PDIA3: variants seen among roughly 807,000 people sequenced by gnomAD.
The protein encoded by PDIA3 is protein disulfide isomerase family A member 3, also known as protein disulfide-isomerase A3.
Under a neutral mutation model 56.9 loss-of-function variants are expected in PDIA3, and 16 were observed. That is an observed-to-expected ratio of 0.28 (90% CI 0.19 to 0.43). PDIA3 has a LOEUF of 0.43. Among genes scored for constraint, PDIA3 ranks in the 20% least tolerant of loss-of-function variants. PDIA3 has a pLI of 1.00. For missense variants in PDIA3, 485 were observed against 621.3 expected (o/e 0.78, Z 2.33); for synonymous variants, 192 against 216.5 (o/e 0.89, Z 0.99).
rs768986164 is a variant in PDIA3 at position 43,766,062 on chromosome 15, G to C, written c.845+50G>C. The C allele has an allele frequency of 1.9e-6, 3 of 1,539,048 alleles. No homozygotes were observed. In the African/African-American group the frequency reaches 4.2e-5, roughly 21 times the overall value. ...CATGAACAAGTTTACCCAATGTATA[G>C]ACAGTCCCTTCTAACTATCTTGTTG... On this transcript the variant is annotated intron_variant, in intron 7 of 12. Transcript: ENST00000300289.
At chr15:43,770,365 A>T (rs370080503) in intron 11 of PDIA3, 36 bp downstream of exon 11, 12 of 1,526,688 alleles carry the variant, frequency 7.9e-6, no homozygotes, top group Non-Finnish European at 1.1e-5. Context: ...GTGTCTAGGC[A>T]ATAGATAGGA....
At chr15:43,769,467 G>T (rs1183038576) in intron 9 of PDIA3, 51 bp from the exon 10 acceptor site, 1 of 1,578,070 alleles carries the variant, frequency 6.3e-7, no homozygotes, top group South Asian at 1.1e-5. Flanking sequence ...AAATACAGTT[G>T]TGAATTTATT....
chr15:43,769,158 G>A (rs541012475), intron 9 of PDIA3, among the ~76,000 whole-genome samples: 11 of 152,190 alleles, frequency 7.2e-5, no homozygotes, highest in Non-Finnish European at 1.3e-4. Context: ...TAAGAACAGT[G>A]TGTTGCTTTG....
rs1036214409 is a variant in PDIA3 at position 43,771,762 on chromosome 15, G to A, written c.*544G>A. On this transcript the variant is annotated 3_prime_UTR_variant, in exon 13 of 13. Transcript: ENST00000300289. ...GGTCACGGCAGCTGTAGACTGACTG[G>A]GTCCATAGTTCATCACCTCAAAATT... The A allele has an allele frequency of 2.3e-5, 9 of 397,328 alleles. No homozygotes were observed. The highest frequency in any genetic ancestry group is 1.6e-4 in the African/African-American group (8 of 48,536). 24.6% of individuals were successfully genotyped at this position (397,328 alleles called of 1,614,324 possible).
chr15:43,748,631 G>A (rs1280104186), intron 1 of PDIA3, among the ~76,000 whole-genome samples: 1 of 152,116 alleles, frequency 6.6e-6, no homozygotes, highest in African/African-American at 2.4e-5. Context: ...CTTTTAATTG[G>A]TTTAAAAGAA....
At chr15:43,769,040 A>C (rs2086865736) in intron 9 of PDIA3, among the ~76,000 whole-genome samples, 1 of 151,724 alleles carries the variant, frequency 6.6e-6, no homozygotes, top group Admixed American at 6.6e-5. Context: ...AAAAAAAAGC[A>C]TTGGCAGGGC....
chr15:43,757,996 G>A (rs1183640751), intron 3 of PDIA3, among the ~76,000 whole-genome samples: 1 of 151,472 alleles, frequency 6.6e-6, no homozygotes, highest in Non-Finnish European at 1.5e-5. Context: ...TGTAATCCTA[G>A]CACTTTGGGA....
intron 10 of PDIA3, 145 bp downstream of exon 10, chr15:43,769,791 C>G: frequency 2.3e-6 from 2 of 855,368 alleles, no homozygotes; most frequent in African/African-American, 1.6e-5. Flanking sequence ...TTTCTCGTGA[C>G]TGCCCCCTAG....
rs2141658837 is a variant in PDIA3 at position 43,771,106 on chromosome 15, G to A, written c.1406G>A (p.Gly469Asp). ...TTAAGCTGATCTTTCTGTTTTCAGGGTGGCCGTGAATTAAGTGATTTTATT... is the reference window on the plus strand; with the variant it reads ...TTAAGCTGATCTTTCTGTTTTCAGGATGGCCGTGAATTAAGTGATTTTATT... ...NKKLNPKKYE[G>D]GRELSDFISY... The change falls in exon 13 of 13, where the codon GGT (glycine) becomes GAT (aspartate). Residue 469 changes from glycine (G) to aspartate (D), a missense_variant and splice_region_variant. Coordinates refer to ENST00000300289, the MANE Select transcript of PDIA3 (RefSeq NM_005313.5). The A allele has an allele frequency of 6.2e-7, 1 of 1,604,486 alleles. No individual in the cohort carries two copies. Among genetic ancestry groups the A allele is most frequent in the African/African-American group, 1.3e-5 (1 of 74,734 alleles).
At chr15:43,752,003 C>A (rs2086747499) in intron 1 of PDIA3, among the ~76,000 whole-genome samples, 1 of 152,188 alleles carries the variant, frequency 6.6e-6, no homozygotes, top group Admixed American at 6.6e-5. Context: ...CCGGTCCAAG[C>A]TTTTATTGTC....
intron 12 of PDIA3, 98 bp from the exon 13 acceptor site, chr15:43,771,007 T>A: frequency 1.3e-6 from 1 of 740,922 alleles, no homozygotes; most frequent in Non-Finnish European, 2.3e-6. Context: ...ATGTGGCTGC[T>A]AATATGCTTT....
At position 43,746,443 on chromosome 15, in the gene PDIA3, C is replaced by T. The variant is rs2086704923; in HGVS notation, c.-97C>T. The T allele has an allele frequency of 8.0e-7, 1 of 1,245,200 alleles. No individual in the cohort carries two copies. The highest frequency in any genetic ancestry group is 1.6e-5 in the African/African-American group (1 of 62,998). The allele number at this position is 1,245,200 out of a possible 1,614,324, so 77.1% of individuals were successfully genotyped here. A position where few individuals can be genotyped will look rare whatever the true frequency, so the allele number is the denominator to read the frequency against. ...GCTGCAGGTCCGCCTGGGCCAGACG[C>T]GCGAGCGCAAGCAGCGGGTTAGTGG... On this transcript the variant is annotated 5_prime_UTR_variant, in exon 1 of 13. Coordinates refer to ENST00000300289, the MANE Select transcript of PDIA3 (RefSeq NM_005313.5).
intron 9 of PDIA3, among the ~76,000 whole-genome samples, chr15:43,769,042 T>C (rs1465448730): frequency 1.3e-5 from 2 of 151,798 alleles, no homozygotes; most frequent in African/African-American, 2.4e-5. Flanking sequence ...AAAAAAGCAT[T>C]GGCAGGGCTC....
At chr15:43,764,973 G>T (rs2086838902) in intron 5 of PDIA3, among the ~76,000 whole-genome samples, 1 of 152,148 alleles carries the variant, frequency 6.6e-6, no homozygotes, top group Non-Finnish European at 1.5e-5. Context: ...GATTAAGGTG[G>T]TTAGCATCTT....
At chr15:43,754,500 T>C (rs956399706) in intron 2 of PDIA3, among the ~76,000 whole-genome samples, 2 of 151,750 alleles carry the variant, frequency 1.3e-5, no homozygotes, top group Non-Finnish European at 2.9e-5. Context: ...TCCAGCACTT[T>C]GGGATGATTA....
At chr15:43,763,881 G>A (rs528491846) in intron 5 of PDIA3, among the ~76,000 whole-genome samples, 1 of 152,206 alleles carries the variant, frequency 6.6e-6, no homozygotes, top group Admixed American at 6.5e-5. Context: ...ATTCCAGATA[G>A]AGCACCAGGA....
At position 43,765,478 on chromosome 15, in the gene PDIA3, C is replaced by G; in HGVS notation, c.631C>G (p.Leu211Val). The change falls in exon 6 of 13, where the codon CTC (leucine) becomes GTC (valine). Residue 211 changes from leucine to valine, a missense_variant. By Grantham distance (32) the Leu-to-Val change is conservative (BLOSUM62 1). Coordinates refer to ENST00000300289, the MANE Select transcript of PDIA3 (RefSeq NM_005313.5). Reference protein sequence around the residue: ...EGIILFRPSHLTNKFEDKTVA... With the variant: ...EGIILFRPSHVTNKFEDKTVA... The stretch of plus-strand genomic sequence containing the variant: ...TATCATCTTATTTCGTCCTTCACAT[C>G]TCACTAACAAGTTTGAGGACAAGAC... 6.2e-7 allele frequency: 1 copy of G among 1,607,506 alleles called. No homozygotes were observed. Among genetic ancestry groups the G allele is most frequent in the East Asian group, 2.2e-5 (1 of 44,812 alleles).
At position 43,772,902 on chromosome 15, in the gene PDIA3, C is replaced by T. The variant is rs376782746; in HGVS notation, c.*1684C>T. The T allele has an allele frequency of 6.6e-5, 27 of 409,748 alleles. 1 individual carries two copies. The highest frequency in any genetic ancestry group is 2.6e-4 in the East Asian group (7 of 26,962). The allele number at this position is 409,748 out of a possible 1,614,324, so 25.4% of individuals were successfully genotyped here. ...AAGCCTCTGTCACTTTTCCTAGACT[C>T]CTAGGCACAGCTATGGAGTCTTTGC... On this transcript the variant is annotated 3_prime_UTR_variant, in exon 13 of 13. Transcript: ENST00000300289.
chr15:43,761,910 G>A (rs1486351175), intron 4 of PDIA3, among the ~76,000 whole-genome samples: 1 of 152,098 alleles, frequency 6.6e-6, no homozygotes, highest in Non-Finnish European at 1.5e-5. Flanking sequence ...CAATAGGGTA[G>A]TTATGACTGA....
Sources: gnomAD v4.1 joint callset for allele counts (sites outside exome capture counted in the v4.1 genomes callset) on GRCh38, gnomAD v4.1.1 for gene constraint, MANE v1.5 for transcripts, NCBI Gene and HGNC (gene_info 2026-07-23, HGNC 2026-07-21) for gene names.